ATP13A1: variants seen among roughly 807,000 people sequenced by gnomAD.
ATP13A1 encodes the protein ATPase 13A1.
In ATP13A1, 55 loss-of-function variants were observed where a neutral mutation model predicts 134.8. The ratio of observed to expected loss-of-function variants is 0.41; its 90% CI spans 0.33 to 0.51. The LOEUF (loss-of-function observed/expected upper bound fraction) is 0.51, where lower values mean the gene tolerates loss of function less well. Ranked by LOEUF, ATP13A1 falls within the 20% of genes least tolerant of loss-of-function variation. ATP13A1 has a pLI of 0.29. For missense variants in ATP13A1, 1,389 were observed against 1,652.8 expected (o/e 0.84, Z 2.77); for synonymous variants, 775 against 725.1 (o/e 1.07, Z -1.10).
chr19:19,648,498 C>CAAAA (rs35645918), intron 19 of ATP13A1, among the ~76,000 whole-genome samples: 4 of 100,142 alleles, frequency 4.0e-5, no homozygotes, highest in Non-Finnish European at 4.4e-5. Context: ...TGAGTTCTTG[C>CAAAA]AAAAAAAAAA....
intron 1 of ATP13A1, chr19:19,662,319 A>G (rs1206266181): frequency 9.1e-6 from 9 of 985,392 alleles, no homozygotes; most frequent in Non-Finnish European, 1.1e-5. Context: ...GTTGTCTCTC[A>G]GGAGAGGAGA....
In ATP13A1 at chr19:19,647,858, C is replaced by G. The variant is rs2061996545; in HGVS notation, c.2633-99G>C. The G allele has an allele frequency of 1.3e-5, 18 of 1,415,398 alleles. No homozygotes were observed. The highest frequency in any genetic ancestry group is 1.7e-5 in the Non-Finnish European group (18 of 1,064,278). The allele number at this position is 1,415,398 out of a possible 1,614,324, so 87.7% of individuals were successfully genotyped here. A position where few individuals can be genotyped will look rare whatever the true frequency, so the allele number is the denominator to read the frequency against. On this transcript the variant is annotated intron_variant, in intron 19 of 25. Coordinates refer to ENST00000357324, the MANE Select transcript of ATP13A1 (RefSeq NM_020410.3). This position sits in a 1 kb window ranked among gnomAD's most constrained non-coding sequence, Gnocchi z 4.8. ...TGGTCCTGAAGTCCCCCAGCTGGCT[C>G]CCGTGAGGACAGTTCCCAGACTTCC...
chr19:19,645,665 G>T lies in ATP13A1; in HGVS notation c.3486C>A (p.Leu1162=). Residue 1162 remains leucine, a synonymous_variant, in exon 25 of 26, where the codon CTC becomes CTA. Coordinates refer to ENST00000357324, the MANE Select transcript of ATP13A1 (RefSeq NM_020410.3). This position sits in a 1 kb window ranked among gnomAD's most constrained non-coding sequence, Gnocchi z 4.1. The part of the protein sequence containing the change: ...SSPDFNSQFG[L]VDIPVEFKLV... The stretch of plus-strand genomic sequence containing the variant: ...CACTGACCTCCACAGGGATGTCCAC[G>T]AGGCCAAACTGGCTGTTGAAGTCGG... 1 of 1,572,700 alleles carries T rather than the reference G, an allele frequency of 6.4e-7. No individual in the cohort carries two copies. Among genetic ancestry groups the T allele is most frequent in the South Asian group, 1.2e-5 (1 of 85,924 alleles).
At chr19:19,650,591 C>T (rs2062017922) in intron 17 of ATP13A1, 1 of 153,444 alleles carries the variant, frequency 6.5e-6, no homozygotes, top group Admixed American at 6.4e-5. Flanking sequence ...GCTTGTCAAT[C>T]AACAGTTCTG....
Position 19,659,677 on chromosome 19 carries a change from A to C in ATP13A1, c.601T>G (p.Ser201Ala). 1.9e-6 allele frequency: 3 copies of C among 1,613,928 alleles called. No individual in the cohort carries two copies. The highest frequency in any genetic ancestry group is 1.3e-5 in the African/African-American group (1 of 75,020). The stretch of plus-strand genomic sequence containing the variant: ...AAGCCTCTGTTGCTCTGATAGTATG[A>C]GAAGGCGTTTCCCACAGGAAAGGCC... ...PVAFPVGNAFSYYQSNRGFQE... is the reference protein window; with the variant it reads ...PVAFPVGNAFAYYQSNRGFQE... Residue 201 changes from serine (S) to alanine (A), a missense_variant, in exon 3 of 26, where the codon TCA becomes GCA. Ser to Ala is a moderately conservative substitution (Grantham distance 99). This residue lies in a region of ATP13A1 where 747 missense variants were observed against 956.1 expected (regional missense o/e 0.78). Transcript: ENST00000357324.
chr19:19,655,072 A>C lies in ATP13A1; in HGVS notation c.1655+47T>G. 2 of 1,609,094 alleles carry C rather than the reference A, an allele frequency of 1.2e-6. No homozygotes were observed. The highest frequency in any genetic ancestry group is 1.7e-6 in the Non-Finnish European group (2 of 1,178,440). Reference sequence around the variant, plus strand: ...TGGGCCACCTGTCTCTCGACTTCCCAGAAACCCCATCTGGGTGACCTTTGC... The same window carrying C: ...TGGGCCACCTGTCTCTCGACTTCCCCGAAACCCCATCTGGGTGACCTTTGC... On this transcript the variant is annotated intron_variant, in intron 12 of 25. Coordinates refer to ENST00000357324, the MANE Select transcript of ATP13A1 (RefSeq NM_020410.3). The surrounding 1 kb of genome is among the most constrained non-coding windows in gnomAD (Gnocchi z 5.7).
Position 19,663,529 on chromosome 19 carries a change from A to G in ATP13A1, c.138T>C (p.Gly46=). The G allele has an allele frequency of 6.5e-7, 1 of 1,528,362 alleles. No homozygotes were observed. The highest frequency in any genetic ancestry group is 2.5e-5 in the East Asian group (1 of 40,016). The allele number at this position is 1,528,362 out of a possible 1,614,324, so 94.7% of individuals were successfully genotyped here. ...GCCACACGGCAGCCACCAGCTCGTC[A>G]CCGTTCGCTATGAGCGCCGGCCCGG... ...LAAGPALIAN[G]DELVAAVWPY... Residue 46 remains glycine (G), a synonymous_variant, in exon 1 of 26, where the codon GGT becomes GGC. Transcript: ENST00000357324.
In ATP13A1 at chr19:19,647,729, C is replaced by A; in HGVS notation, c.2663G>T (p.Arg888Leu). The change falls in exon 20 of 26, where the codon CGG (arginine) becomes CTG (leucine). Residue 888 changes from arginine (R) to leucine (L), a missense_variant. This residue lies in a region of ATP13A1 where 121 missense variants were observed against 104.9 expected (regional missense o/e 1.15). Transcript: ENST00000357324. The surrounding 1 kb of genome is among the most constrained non-coding windows in gnomAD (Gnocchi z 4.8). Reference protein sequence around the residue: ...GVALLANAPERVVERRRRPRD... With the variant: ...GVALLANAPELVVERRRRPRD... ...GGGCCGCCGTCGCCGCTCGACAACC[C>A]GCTCAGGGGCATTGGCCAAGAGCGC... 1 of 1,605,648 alleles carries A rather than the reference C, an allele frequency of 6.2e-7. No individual in the cohort carries two copies. The highest frequency in any genetic ancestry group is 8.5e-7 in the Non-Finnish European group (1 of 1,178,498).
At position 19,663,655 on chromosome 19, in the gene ATP13A1, C is replaced by CGCT; in HGVS notation, c.9_11dup (p.Ala6dup). On this transcript the variant is annotated inframe_insertion, in exon 1 of 26. Transcript: ENST00000357324. ...AGGGCACCGCGTTGCCCACCGCCGC[C>CGCT]GCTGCCGCCATCTTTCCTAGCGCCG... is the stretch of plus-strand genomic sequence containing the variant. 7.8e-7 allele frequency: 1 copy of CGCT among 1,288,054 alleles called. No individual in the cohort carries two copies. The highest frequency in any genetic ancestry group is 9.8e-7 in the Non-Finnish European group (1 of 1,020,118). The allele number at this position is 1,288,054 out of a possible 1,614,324, so 79.8% of individuals were successfully genotyped here.
Position 19,656,656 on chromosome 19 carries a change from G to A in ATP13A1, c.1083+4C>T. On this transcript the variant is annotated splice_donor_region_variant and intron_variant, in intron 7 of 25. Transcript: ENST00000357324. The surrounding 1 kb of genome is among the most constrained non-coding windows in gnomAD (Gnocchi z 4.6). ...CTTGAGGATCCCCATCCTCCACCAA[G>A]TACCTTCATCTGTGGCACGGACTCC... The A allele has an allele frequency of 6.2e-7, 1 of 1,612,740 alleles. No individual in the cohort carries two copies. Among genetic ancestry groups the A allele is most frequent in the Non-Finnish European group, 8.5e-7 (1 of 1,179,386 alleles).
Position 19,653,673 on chromosome 19 carries a change from G to A in ATP13A1, c.2100+111C>T. 1 of 1,028,904 alleles carries A rather than the reference G, an allele frequency of 9.7e-7. No individual in the cohort carries two copies. The highest frequency in any genetic ancestry group is 2.6e-5 in the East Asian group (1 of 38,362). 63.7% of individuals were successfully genotyped at this position (1,028,904 alleles called of 1,614,324 possible). A position where few individuals can be genotyped will look rare whatever the true frequency, so the allele number is the denominator to read the frequency against. On this transcript the variant is annotated intron_variant, in intron 15 of 25. Transcript: ENST00000357324. The surrounding 1 kb of genome is among the most constrained non-coding windows in gnomAD (Gnocchi z 4.2). ...AGGTAGAAGCTGGAGGCGGGGCAAG[G>A]AGGACAAAATCACAACCATTCAACC...
intron 1 of ATP13A1, among the ~76,000 whole-genome samples, chr19:19,661,485 G>C (rs768261547): frequency 6.6e-6 from 1 of 152,144 alleles, no homozygotes; most frequent in Non-Finnish European, 1.5e-5. Context: ...CACCTTCTCA[G>C]GAGCCCCTCC....
intron 3 of ATP13A1, 93 bp from the exon 4 acceptor site, chr19:19,657,501 C>T (rs1323811627): frequency 3.0e-5 from 39 of 1,290,746 alleles, no homozygotes; most frequent in African/African-American, 2.1e-4. Context: ...CATGGCAGGC[C>T]GCTCTCAAGA....
In ATP13A1 at chr19:19,649,790, C is replaced by T. The variant is rs774291606; in HGVS notation, c.2486G>A (p.Arg829His). ...GAACACCTGCACATGGGGGATGAGG[C>T]GGAGCAGCTGCTGGGGGTCGGTGGC... ...LQATDPQQLL[R>H]LIPHVQVFAR... Residue 829 changes from arginine (R) to histidine (H), a missense_variant, in exon 18 of 26, where the codon CGC becomes CAC. Arg to His is a conservative substitution (Grantham distance 29). This residue lies in a region of ATP13A1 where 747 missense variants were observed against 956.1 expected (regional missense o/e 0.78). Transcript: ENST00000357324. The T allele has an allele frequency of 2.9e-5, 47 of 1,600,874 alleles. No homozygotes were observed. The highest frequency in any genetic ancestry group is 1.7e-4 in the Middle Eastern group (1 of 6,056).
chr19:19,659,909 G>A lies in ATP13A1; in HGVS notation c.475C>T (p.His159Tyr), dbSNP rs1253035255. Reference protein sequence around the residue: ...NNGSTELVALHRNEGEDGLEV... With the variant: ...NNGSTELVALYRNEGEDGLEV... ...CAGGCAGTCCCTACCTCATTGCGGT[G>A]CAGGGCCACGAGCTCCGTGGAGCCA... The change falls in exon 2 of 26, where the codon CAC (histidine) becomes TAC (tyrosine). Residue 159 changes from histidine to tyrosine, a missense_variant. By Grantham distance (83) the His-to-Tyr change is moderately conservative (BLOSUM62 2). Transcript: ENST00000357324. 2.5e-6 allele frequency: 4 copies of A among 1,588,502 alleles called. No individual in the cohort carries two copies. The South Asian group carries it at 3.4e-5, about 14-fold the overall frequency.
intron 19 of ATP13A1, among the ~76,000 whole-genome samples, chr19:19,648,759 A>T (rs2062003560): frequency 7.1e-6 from 1 of 140,444 alleles, no homozygotes; most frequent in Non-Finnish European, 1.5e-5. Flanking sequence ...CAGTGAGCTG[A>T]GACCGTGCTA....
chr19:19,658,462 T>C (rs989564461), intron 3 of ATP13A1, among the ~76,000 whole-genome samples: 1 of 152,176 alleles, frequency 6.6e-6, no homozygotes, highest in Non-Finnish European at 1.5e-5. Flanking sequence ...CTGGCCAACC[T>C]TGGGGTAGGG....
intron 22 of ATP13A1, 40 bp from the exon 23 acceptor site, chr19:19,646,387 C>T (rs1268060239): frequency 6.2e-7 from 1 of 1,611,370 alleles, no homozygotes; most frequent in Non-Finnish European, 8.5e-7. Context: ...GGATCTGGCT[C>T]ACTTGGGGCC....
At position 19,656,432 on chromosome 19, in the gene ATP13A1, G is replaced by GC. The variant is rs2062058813; in HGVS notation, c.1083+227dup. ...GACTCACCCCTCTGGACTGCTCCCA[G>GC]CCCACCTTGGTCTGACATCCCAGGG... is the stretch of plus-strand genomic sequence containing the variant. On this transcript the variant is annotated intron_variant, in intron 7 of 25. Coordinates refer to ENST00000357324, the MANE Select transcript of ATP13A1 (RefSeq NM_020410.3). This position sits in a 1 kb window ranked among gnomAD's most constrained non-coding sequence, Gnocchi z 4.6. Among the ~76,000 whole-genome samples the GC allele has an allele frequency of 6.6e-6, 1 of 152,116 alleles. No individual in the cohort carries two copies. The highest frequency in any genetic ancestry group is 6.5e-5 in the Admixed American group (1 of 15,274).
Sources: allele counts gnomAD v4.1 joint callset (sites outside exome capture counted in the v4.1 genomes callset), GRCh38; gene constraint gnomAD v4.1.1; regional missense constraint gnomAD v4.1.1; non-coding constraint Gnocchi (gnomAD v3.1); transcripts MANE v1.5; gene names NCBI Gene and HGNC (gene_info 2026-07-23, HGNC 2026-07-21).